The following ST8SIA2 variants were observed in gnomAD, a reference collection of about 807,000 sequenced individuals.
ST8SIA2 encodes alpha-2,8-sialyltransferase 8B.
In ST8SIA2, 22 loss-of-function variants were observed where a neutral mutation model predicts 37.6. That is an observed-to-expected ratio of 0.58 (90% CI 0.42 to 0.83). The LOEUF is 0.83. Ranked by LOEUF, ST8SIA2 falls within the 40% of genes least tolerant of loss-of-function variation. ST8SIA2 has a pLI of 0.00. For missense variants in ST8SIA2, 382 were observed against 484.7 expected, an observed-to-expected ratio of 0.79 and a Z score of 1.99; for synonymous variants, 205 against 201.2, an observed-to-expected ratio of 1.02 and a Z score of -0.16.
chr15:92,436,635 A>C (rs1222806100), intron 3 of ST8SIA2, among the ~76,000 whole-genome samples: 2 of 152,166 alleles, frequency 1.3e-5, no homozygotes, highest in Non-Finnish European at 2.9e-5. Context: ...GTAATTGCAA[A>C]GGTTTCAGCA....
At chr15:92,458,603 C>G (rs1267661984) in intron 5 of ST8SIA2, among the ~76,000 whole-genome samples, 3 of 152,208 alleles carry the variant, frequency 2.0e-5, no homozygotes, top group African/African-American at 7.2e-5. Context: ...CTTCCGCAGT[C>G]ATAGTTCTTG....
At chr15:92,412,108 G>A (rs1234815860) in intron 1 of ST8SIA2, among the ~76,000 whole-genome samples, 2 of 152,146 alleles carry the variant, frequency 1.3e-5, no homozygotes, top group African/African-American at 2.4e-5. Context: ...GGGGTGAAGC[G>A]AGATTCCAAA....
chr15:92,444,556 G>A, intron 4 of ST8SIA2, 80 bp from the exon 5 acceptor site: 3 of 1,579,870 alleles, frequency 1.9e-6, no homozygotes, highest in Non-Finnish European at 2.6e-6. Context: ...AGCAAGGAGA[G>A]GCAAAGGATG....
chr15:92,409,056 C>G (rs1406739339), intron 1 of ST8SIA2, among the ~76,000 whole-genome samples: 2 of 152,180 alleles, frequency 1.3e-5, no homozygotes, highest in Non-Finnish European at 2.9e-5. Flanking sequence ...CCCCTCATTT[C>G]ATGGGGAAAG....
rs115326796 is a variant in ST8SIA2, at chr15:92,404,480, A to T, written c.98+10318A>T. Among the ~76,000 whole-genome samples the T allele has an allele frequency of 6.2e-3, 943 of 152,110 alleles. 11 individuals carry two copies. Among genetic ancestry groups the T allele is most frequent in the African/African-American group, 0.021 (885 of 41,478 alleles). On this transcript the variant is annotated intron_variant, in intron 1 of 5. Coordinates refer to ENST00000268164, the MANE Select transcript of ST8SIA2 (RefSeq NM_006011.4). Reference sequence around the variant, plus strand: ...GGTTCCTCAAAAAATTTAACGTAGAATTACCATATGGTCCAGCAATTCCAC... The same window carrying T: ...GGTTCCTCAAAAAATTTAACGTAGATTTACCATATGGTCCAGCAATTCCAC...
At position 92,451,367 on chromosome 15, in the gene ST8SIA2, G is replaced by A. The variant is rs1288576466; in HGVS notation, c.842+6438G>A. On this transcript the variant is annotated intron_variant, in intron 5 of 5. Transcript: ENST00000268164. ...CGTGCACACACTGCAGTTGTTCAGA[G>A]CCTGGGGCAGCACCTTATCGGGGAG... Among the ~76,000 whole-genome samples the A allele has an allele frequency of 3.9e-5, 6 of 152,288 alleles. No individual in the cohort carries two copies. The East Asian group carries it at 1.2e-3, about 29-fold the overall frequency.
At chr15:92,404,620 G>A (rs1292354294) in intron 1 of ST8SIA2, among the ~76,000 whole-genome samples, 1 of 147,834 alleles carries the variant, frequency 6.8e-6, no homozygotes, top group Non-Finnish European at 1.5e-5. Flanking sequence ...TCAGGAGTTT[G>A]AGACCAGCCT....
At chr15:92,408,260 T>C (rs1321539071) in intron 1 of ST8SIA2, among the ~76,000 whole-genome samples, 1 of 151,498 alleles carries the variant, frequency 6.6e-6, no homozygotes, top group Non-Finnish European at 1.5e-5. Flanking sequence ...AAGAAGACCT[T>C]TCACCCCTGC....
intron 5 of ST8SIA2, among the ~76,000 whole-genome samples, chr15:92,451,854 C>T (rs934271175): frequency 1.3e-5 from 2 of 152,202 alleles, no homozygotes; most frequent in African/African-American, 4.8e-5. Flanking sequence ...GGTCTCCTCC[C>T]TGCTCCTGAT....
At chr15:92,445,933 A>G (rs1033373196) in intron 5 of ST8SIA2, among the ~76,000 whole-genome samples, 2 of 152,190 alleles carry the variant, frequency 1.3e-5, no homozygotes, top group African/African-American at 4.8e-5. Flanking sequence ...GGATCAGTAA[A>G]TTGGCTAGGA....
chr15:92,424,361 C>G (rs976178541), intron 1 of ST8SIA2, among the ~76,000 whole-genome samples: 3 of 152,074 alleles, frequency 2.0e-5, no homozygotes, highest in African/African-American at 7.2e-5. Flanking sequence ...TAAATATACA[C>G]AGTTACGAAT....
At chr15:92,427,955 C>G (rs1437032004) in intron 1 of ST8SIA2, among the ~76,000 whole-genome samples, 1 of 152,184 alleles carries the variant, frequency 6.6e-6, no homozygotes, top group African/African-American at 2.4e-5. Context: ...TGCACTCCAG[C>G]CTGGGCAATG....
At chr15:92,462,498 C>T (rs1200617279) in intron 5 of ST8SIA2, among the ~76,000 whole-genome samples, 2 of 152,144 alleles carry the variant, frequency 1.3e-5, no homozygotes, top group Admixed American at 6.5e-5. Context: ...TCCCTCCCAC[C>T]CCAACCTTTC....
Position 92,468,034 on chromosome 15 carries a change from A to C in ST8SIA2, c.*3649A>C, listed in dbSNP as rs2050005293. 2 of 152,198 alleles carry C rather than the reference A, an allele frequency of 1.3e-5. No individual in the cohort carries two copies. The highest frequency in any genetic ancestry group is 2.9e-5 in the Non-Finnish European group (2 of 68,048). The allele number at this position is 152,198 out of a possible 1,614,324, so 9.4% of individuals were successfully genotyped here. A position where few individuals can be genotyped will look rare whatever the true frequency, so the allele number is the denominator to read the frequency against. ...GATCCCGTCAGCCACCCAGTCTGAG[A>C]TGCTGACGTTATCTTCGACTATTCT... On this transcript the variant is annotated 3_prime_UTR_variant, in exon 6 of 6. Transcript: ENST00000268164.
At chr15:92,418,892 A>T (rs960165727) in intron 1 of ST8SIA2, among the ~76,000 whole-genome samples, 3 of 152,172 alleles carry the variant, frequency 2.0e-5, no homozygotes, top group African/African-American at 7.2e-5. Context: ...GGGATGACGT[A>T]AAATAAAGGA....
At chr15:92,404,948 A>G (rs777122486) in intron 1 of ST8SIA2, among the ~76,000 whole-genome samples, 18 of 152,074 alleles carry the variant, frequency 1.2e-4, no homozygotes, top group Non-Finnish European at 2.1e-4. Flanking sequence ...GTATCCGTCA[A>G]TGAGTGAATG....
At chr15:92,408,709 A>G (rs1482458846) in intron 1 of ST8SIA2, among the ~76,000 whole-genome samples, 1 of 149,552 alleles carries the variant, frequency 6.7e-6, no homozygotes, top group Non-Finnish European at 1.5e-5. Context: ...TTATTTATTT[A>G]TTTATTTATT....
Position 92,416,536 on chromosome 15 carries a change from C to T in ST8SIA2, c.99-13513C>T, listed in dbSNP as rs1228269630. 5.3e-5 allele frequency among the ~76,000 whole-genome samples: 8 copies of T among 152,250 alleles called. No homozygotes were observed. In the East Asian group the frequency reaches 1.5e-3, roughly 29 times the overall value. On this transcript the variant is annotated intron_variant, in intron 1 of 5. Transcript: ENST00000268164. Reference sequence around the variant, plus strand: ...CTGGGAAAGAGAAGGTCAAAGAAAACCCGGAGAAAGTGTTGCCAGAGGATG... The same window carrying T: ...CTGGGAAAGAGAAGGTCAAAGAAAATCCGGAGAAAGTGTTGCCAGAGGATG...
At chr15:92,405,254 G>T (rs529512834) in intron 1 of ST8SIA2, among the ~76,000 whole-genome samples, 9 of 152,228 alleles carry the variant, frequency 5.9e-5, no homozygotes, top group Non-Finnish European at 1.2e-4. Flanking sequence ...ATGGTTCTAC[G>T]TACATGAGGC....
Sources: gnomAD v4.1 joint callset for allele counts (sites outside exome capture counted in the v4.1 genomes callset) on GRCh38, gnomAD v4.1.1 for gene constraint, MANE v1.5 for transcripts, NCBI Gene and HGNC (gene_info 2026-07-23, HGNC 2026-07-21) for gene names.